The following CCDC91 variants were observed in gnomAD, a reference collection of about 807,000 sequenced individuals.
The protein encoded by CCDC91 is coiled-coil domain-containing protein 91.
CCDC91 carries 48 observed loss-of-function variants against 63.2 expected under a neutral mutation model. The observed-to-expected ratio is 0.76, with a 90% CI of 0.60 to 0.97. The LOEUF is 0.97. Among genes scored for constraint, CCDC91 ranks in the 50% least tolerant of loss-of-function variants. The pLI is 0.00. For synonymous variants in CCDC91, 167 were observed against 165.8 expected, an observed-to-expected ratio of 1.01 and a Z score of -0.06; for missense variants, 500 against 494.6, an observed-to-expected ratio of 1.01 and a Z score of -0.10.
intron 12 of CCDC91, among the ~76,000 whole-genome samples, chr12:28,536,972 T>G (rs1942224201): frequency 6.6e-6 from 1 of 152,136 alleles, no homozygotes; most frequent in Non-Finnish European, 1.5e-5. Context: ...CCAATCAAAA[T>G]TATTCTGCAG....
chr12:28,543,837 A>G (rs1565550810), intron 12 of CCDC91, among the ~76,000 whole-genome samples: 1 of 151,956 alleles, frequency 6.6e-6, no homozygotes, highest in South Asian at 2.1e-4. Flanking sequence ...ATAGGACACT[A>G]TTATTCAAAG....
At chr12:28,466,266 T>C (rs776271775) in intron 11 of CCDC91, among the ~76,000 whole-genome samples, 5 of 152,032 alleles carry the variant, frequency 3.3e-5, no homozygotes, top group Non-Finnish European at 5.9e-5. Context: ...AAAGAGGAGA[T>C]AGAGAAAGAG....
At chr12:28,234,323 T>G (rs187125568) in intron 1 of CCDC91, among the ~76,000 whole-genome samples, 25 of 152,284 alleles carry the variant, frequency 1.6e-4, no homozygotes. Context: ...CTTTAATTTC[T>G]AAGTGTAGTG....
At chr12:28,297,231 G>A (rs904424466) in intron 3 of CCDC91, among the ~76,000 whole-genome samples, 18 of 151,536 alleles carry the variant, frequency 1.2e-4, no homozygotes, top group Non-Finnish European at 4.4e-5. Context: ...TTCTTATTTA[G>A]AATTAATAAG....
chr12:28,275,835 G>A lies in CCDC91; in HGVS notation c.109+16393G>A, dbSNP rs554133366. Among the ~76,000 whole-genome samples the A allele has an allele frequency of 1.1e-3, 161 of 152,074 alleles. 1 individual carries two copies. Among genetic ancestry groups the A allele is most frequent in the African/African-American group, 3.4e-3 (142 of 41,494 alleles). On this transcript the variant is annotated intron_variant, in intron 3 of 12. Transcript: ENST00000536442. Reference sequence around the variant, plus strand: ...TTTCAACATATGCAAATCAATAAACGTAATCCAGCATATAAACAGAACCAA... The same window carrying A: ...TTTCAACATATGCAAATCAATAAACATAATCCAGCATATAAACAGAACCAA...
intron 3 of CCDC91, among the ~76,000 whole-genome samples, chr12:28,278,521 G>T (rs376253885): frequency 1.3e-5 from 2 of 151,726 alleles, no homozygotes; most frequent in African/African-American, 4.8e-5. Context: ...ATTTCTTTTC[G>T]CACTTAATAA....
At chr12:28,230,899 A>G (rs1012753306) in intron 1 of CCDC91, among the ~76,000 whole-genome samples, 3 of 152,206 alleles carry the variant, frequency 2.0e-5, no homozygotes, top group African/African-American at 7.2e-5. Context: ...TGCTGGGATT[A>G]TAGGCATGAG....
chr12:28,400,229 T>G (rs1946532916), intron 8 of CCDC91, among the ~76,000 whole-genome samples: 1 of 152,204 alleles, frequency 6.6e-6, no homozygotes, highest in Non-Finnish European at 1.5e-5. Flanking sequence ...ATGCCAAGGC[T>G]TGGGGCTTGC....
chr12:28,345,063 C>T (rs1270549881), intron 6 of CCDC91, among the ~76,000 whole-genome samples: 6 of 152,002 alleles, frequency 3.9e-5, no homozygotes, highest in Non-Finnish European at 7.4e-5. Flanking sequence ...TTTGAAATGG[C>T]AACATCTTCA....
intron 1 of CCDC91, among the ~76,000 whole-genome samples, chr12:28,253,526 C>T (rs1211464641): frequency 2.6e-5 from 4 of 152,116 alleles, no homozygotes; most frequent in East Asian, 1.9e-4. Flanking sequence ...TTTTGAGTTT[C>T]GGTTTTACTT....
At chr12:28,374,670 A>G (rs1160998588) in intron 7 of CCDC91, among the ~76,000 whole-genome samples, 1 of 152,162 alleles carries the variant, frequency 6.6e-6, no homozygotes, top group African/African-American at 2.4e-5. Flanking sequence ...TAAAAATAAC[A>G]GTAAGTTATG....
At chr12:28,355,467 G>A (rs1943463500) in intron 6 of CCDC91, among the ~76,000 whole-genome samples, 1 of 152,108 alleles carries the variant, frequency 6.6e-6, no homozygotes, top group African/African-American at 2.4e-5. Context: ...AACAATCATG[G>A]CACTGTTGTA....
chr12:28,494,896 C>T lies in CCDC91; in HGVS notation c.1215+10731C>T, dbSNP rs115138632. Among the ~76,000 whole-genome samples, 846 of 151,858 alleles carry T rather than the reference C, an allele frequency of 5.6e-3. 8 individuals carry two copies. The highest frequency in any genetic ancestry group is 0.02 in the African/African-American group (820 of 41,494). ...GTCTGATTAGGTCTCTTATAAATCA[C>T]TTCCTCCAATGTCTACTGCATACTC... On this transcript the variant is annotated intron_variant, in intron 12 of 12. Coordinates refer to ENST00000536442, the MANE Select transcript of CCDC91 (RefSeq NM_018318.5).
In CCDC91 at chr12:28,382,839, T is replaced by C. The variant is rs563353991; in HGVS notation, c.655-8465T>C. 2.6e-5 allele frequency among the ~76,000 whole-genome samples: 4 copies of C among 152,272 alleles called. No homozygotes were observed. The South Asian group carries it at 8.3e-4, about 32-fold the overall frequency. On this transcript the variant is annotated intron_variant, in intron 7 of 12. Transcript: ENST00000536442. Reference sequence around the variant, plus strand: ...CTCTACTTAATTGTATGAATGATTATGAAGAGGTTATTTTGGTCAGAATTT... The same window carrying C: ...CTCTACTTAATTGTATGAATGATTACGAAGAGGTTATTTTGGTCAGAATTT...
rs545051949 is a variant in CCDC91 at position 28,201,780 on chromosome 12, C to A, written c.-15+11139C>A. Among the ~76,000 whole-genome samples, 15 of 143,978 alleles carry A rather than the reference C, an allele frequency of 1.0e-4. 2 individuals are homozygous for A. The highest frequency in any genetic ancestry group is 8.8e-4 in the Admixed American group (13 of 14,750). The allele number at this position is 143,978 out of a possible 152,430, so 94.5% of individuals were successfully genotyped here. ...CCAGACTCCGTCTGCAATCCCGGCA[C>A]CCCAGGAGGCCGAGGCTGGCGGATC... On this transcript the variant is annotated intron_variant, in intron 1 of 12. Coordinates refer to ENST00000536442, the MANE Select transcript of CCDC91 (RefSeq NM_018318.5).
intron 7 of CCDC91, among the ~76,000 whole-genome samples, chr12:28,384,774 C>T (rs185484755): frequency 2.6e-5 from 4 of 151,850 alleles, no homozygotes; most frequent in Admixed American, 2.6e-4. Flanking sequence ...ATTTATTAAC[C>T]ACAGTGTCTG....
chr12:28,405,244 A>ATT (rs1946863070), intron 8 of CCDC91, among the ~76,000 whole-genome samples: 1 of 151,908 alleles, frequency 6.6e-6, no homozygotes, highest in Admixed American at 6.6e-5. Flanking sequence ...ACCCATATTC[A>ATT]TTTTCAAATG....
intron 1 of CCDC91, among the ~76,000 whole-genome samples, chr12:28,233,908 T>G (rs1425901373): frequency 6.6e-6 from 1 of 152,138 alleles, no homozygotes; most frequent in Non-Finnish European, 1.5e-5. Flanking sequence ...TCATCTTTAT[T>G]TTTTCAAAAT....
At chr12:28,387,891 G>C (rs978006660) in intron 7 of CCDC91, among the ~76,000 whole-genome samples, 11 of 152,104 alleles carry the variant, frequency 7.2e-5, no homozygotes, top group African/African-American at 2.4e-4. Flanking sequence ...CTTTTCCTCT[G>C]GGTACATACC....
Sources: gnomAD v4.1 joint callset for allele counts (sites outside exome capture counted in the v4.1 genomes callset) on GRCh38, gnomAD v4.1.1 for gene constraint, MANE v1.5 for transcripts, NCBI Gene and HGNC (gene_info 2026-07-23, HGNC 2026-07-21) for gene names.